Variants in CCL26 observed in about 807,000 individuals in gnomAD.
The protein encoded by CCL26 is C-C motif chemokine ligand 26.
In CCL26, 10 loss-of-function variants were observed where a neutral mutation model predicts 10.7. That is an observed-to-expected ratio of 0.93 (90% CI 0.57 to 1.58). CCL26 has a LOEUF of 1.58. CCL26 is among the 40% of genes most tolerant of loss of function. The pLI, the probability that CCL26 is intolerant of heterozygous loss-of-function variation, is 0.00. For missense variants in CCL26, 116 were observed against 111.0 expected, an observed-to-expected ratio of 1.05 and a Z score of -0.20; for synonymous variants, 43 against 41.4, an observed-to-expected ratio of 1.04 and a Z score of -0.15.
At chr7:75,791,301 G>C (rs1803327627), upstream of CCL26, among the ~76,000 whole-genome samples, 1 of 152,158 alleles carries the variant, frequency 6.6e-6, no homozygotes, top group Non-Finnish European at 1.5e-5. Context: ...TGGGATTACA[G>C]GTGTGAGCCA....
chr7:75,784,152 G>A (rs571967979), intron 1 of CCL26, among the ~76,000 whole-genome samples: 6 of 152,134 alleles, frequency 3.9e-5, no homozygotes, highest in Non-Finnish European at 7.3e-5. Context: ...CGCCTGAACC[G>A]CAGCTGCCAG....
chr7:75,789,062 C>T (rs62475542), intron 1 of CCL26, among the ~76,000 whole-genome samples: 39,205 of 149,636 alleles, frequency 0.26, 5,310 homozygotes, highest in East Asian at 0.39. Context: ...GCCAGGACTA[C>T]AGGTGCGCAC....
intron 1 of CCL26, among the ~76,000 whole-genome samples, chr7:75,780,958 C>T (rs993148550): frequency 3.9e-5 from 6 of 152,110 alleles, no homozygotes; most frequent in Non-Finnish European, 7.4e-5. Flanking sequence ...AAAAAGGTGG[C>T]GGGAGCTAAA....
chr7:75,772,213 A>G, upstream of CCL26: 4 of 1,467,438 alleles, frequency 2.7e-6, no homozygotes, highest in East Asian at 2.5e-5. Flanking sequence ...GTTTCTCCCA[A>G]ACTCCTCCTG....
upstream of CCL26, among the ~76,000 whole-genome samples, chr7:75,776,278 G>C (rs774446571): frequency 3.3e-4 from 50 of 151,588 alleles, no homozygotes; most frequent in Admixed American, 1.1e-3. Context: ...CACCATGTTG[G>C]CCAGGCTGGT....
upstream of CCL26, among the ~76,000 whole-genome samples, chr7:75,790,219 C>CTTT (rs1237814493): frequency 1.4e-5 from 1 of 72,860 alleles, no homozygotes; most frequent in African/African-American, 5.7e-5. Context: ...TTCTTTCTTT[C>CTTT]TTCCTTCCTT....
intron 2 of CCL26, among the ~76,000 whole-genome samples, chr7:75,771,538 A>G (rs1233423546): frequency 5.3e-5 from 8 of 152,136 alleles, no homozygotes; most frequent in African/African-American, 1.9e-4. Flanking sequence ...CTGGCCAACC[A>G]TGGTGAAATT....
At chr7:75,790,179 C>CTTCCTTCCTTTCTTTCT (rs1563342375), upstream of CCL26, among the ~76,000 whole-genome samples, 2 of 30,718 alleles carry the variant, frequency 6.5e-5, no homozygotes, top group Non-Finnish European at 1.3e-4. Context: ...TCCTTCCTTC[C>CTTCCTTCCTTTCTTTCT]TTTCTTTCTT....
Position 75,786,244 on chromosome 7 carries a change from C to T in CCL26, c.-79+3473G>A, listed in dbSNP as rs140692580. Among the ~76,000 whole-genome samples the T allele has an allele frequency of 4.6e-3, 703 of 152,304 alleles. 2 individuals carry two copies. Among genetic ancestry groups the T allele is most frequent in the African/African-American group, 0.015 (642 of 41,562 alleles). On this transcript the variant is annotated intron_variant, in intron 1 of 3. Coordinates refer to the CCL26 transcript ENST00000394905. ...ACATTCACCCCATTTCCGCATATTT[C>T]CTTCTTTCCTGTTCCTCACCCTGAT...
At chr7:75,789,306 T>C (rs73134675) in intron 1 of CCL26, among the ~76,000 whole-genome samples, 5 of 152,110 alleles carry the variant, frequency 3.3e-5, no homozygotes, top group Non-Finnish European at 7.4e-5. Flanking sequence ...TGAAATGATA[T>C]GGCGAATAAA....
At chr7:75,781,261 A>T (rs1803054985) in intron 1 of CCL26, among the ~76,000 whole-genome samples, 1 of 152,256 alleles carries the variant, frequency 6.6e-6, no homozygotes, top group South Asian at 2.1e-4. Context: ...GTATACAATA[A>T]TAGAGTAGAG....
upstream of CCL26, among the ~76,000 whole-genome samples, chr7:75,772,759 T>G (rs554650826): frequency 6.6e-6 from 1 of 151,828 alleles, no homozygotes; most frequent in Non-Finnish European, 1.5e-5. Flanking sequence ...AGAAGAGAAT[T>G]TGGGAGAAGA....
At chr7:75,772,384 T>C, upstream of CCL26, 2 of 561,010 alleles carry the variant, frequency 3.6e-6, no homozygotes, top group Non-Finnish European at 6.4e-6. Flanking sequence ...GCACTGGGCG[T>C]GGTGGCTCAT....
In CCL26 at chr7:75,771,891, C is replaced by T. The variant is rs1554528127; in HGVS notation, c.186G>A (p.Val62=). The T allele has an allele frequency of 1.9e-6, 3 of 1,608,634 alleles. No individual in the cohort carries two copies. The South Asian group carries it at 3.3e-5, about 18-fold the overall frequency. Residue 62 remains valine, a splice_region_variant and synonymous_variant, in exon 2 of 3, where the codon GTG becomes GTA. Coordinates refer to ENST00000005180, the MANE Select transcript of CCL26 (RefSeq NM_001371938.1). The part of the protein sequence containing the change: ...FTSNSCSQRA[V]IFTTKRGKKV... Reference sequence around the variant, plus strand: ...AAGTACGTCCGAGAAATACTCACATCACAGCCCGCTGGGAGCAGCTGTTAC... The same window carrying T: ...AAGTACGTCCGAGAAATACTCACATTACAGCCCGCTGGGAGCAGCTGTTAC...
upstream of CCL26, among the ~76,000 whole-genome samples, chr7:75,772,430 G>C (rs1442994610): frequency 6.6e-6 from 1 of 152,190 alleles, no homozygotes; most frequent in African/African-American, 2.4e-5. Context: ...ACCGAGGTGG[G>C]CGGATCCCTT....
At chr7:75,781,288 G>A (rs922415016) in intron 1 of CCL26, among the ~76,000 whole-genome samples, 1 of 152,216 alleles carries the variant, frequency 6.6e-6, no homozygotes, top group Non-Finnish European at 1.5e-5. Flanking sequence ...AAGTAGCAAC[G>A]TATTTCTGAG....
upstream of CCL26, chr7:75,772,407 A>G: frequency 1.8e-6 from 1 of 544,282 alleles, no homozygotes; most frequent in East Asian, 3.1e-5. Context: ...CTGTGATCAC[A>G]GCACTCTGGG....
chr7:75,776,154 C>T (rs1405153120), upstream of CCL26, among the ~76,000 whole-genome samples: 1 of 149,186 alleles, frequency 6.7e-6, no homozygotes, highest in Non-Finnish European at 1.5e-5. Context: ...TCACTGCAAT[C>T]TCCGCCTCCC....
intron 1 of CCL26, among the ~76,000 whole-genome samples, chr7:75,782,299 T>C (rs1365714197): frequency 6.6e-6 from 1 of 152,164 alleles, no homozygotes; most frequent in East Asian, 1.9e-4. Flanking sequence ...TGTTTAATCA[T>C]TGCGGGGACG....
Sources: allele counts gnomAD v4.1 joint callset (sites outside exome capture counted in the v4.1 genomes callset), GRCh38; gene constraint gnomAD v4.1.1; transcripts MANE v1.5; gene names NCBI Gene and HGNC (gene_info 2026-07-23, HGNC 2026-07-21).